MSH4: variants seen among roughly 807,000 people sequenced by gnomAD.
MSH4 encodes the protein mutS protein homolog 4.
A neutral mutation model predicts 113.7 loss-of-function variants in MSH4; 106 were observed. That is an observed-to-expected ratio of 0.93 (90% CI 0.80 to 1.10). MSH4 has a LOEUF of 1.10. Among genes scored for constraint, MSH4 ranks in the 50% least tolerant of loss-of-function variants. The pLI, the probability that MSH4 is intolerant of heterozygous loss-of-function variation, is 0.00. For missense variants in MSH4, 1,061 were observed against 1,093.7 expected (o/e 0.97, Z 0.42); for synonymous variants, 368 against 380.2 (o/e 0.97, Z 0.37).
intron 19 of MSH4, among the ~76,000 whole-genome samples, chr1:75,909,625 T>C (rs1220382547): frequency 6.6e-6 from 1 of 152,054 alleles, no homozygotes; most frequent in African/African-American, 2.4e-5. Context: ...TTTGTCCTAA[T>C]GCTATCCCTC....
At position 75,840,217 on chromosome 1, in the gene MSH4, C is replaced by T. The variant is rs1465821347; in HGVS notation, c.1163-7992C>T. On this transcript the variant is annotated intron_variant, in intron 7 of 19. Coordinates refer to ENST00000263187, the MANE Select transcript of MSH4 (RefSeq NM_002440.4). ...TCATGCTGCTATAAAGACACATGCA[C>T]ACGTATGTTTATTGCGGCACTATTC... is the stretch of plus-strand genomic sequence containing the variant. Among the ~76,000 whole-genome samples the T allele has an allele frequency of 1.9e-4, 28 of 145,064 alleles. 1 individual carries two copies. The highest frequency in any genetic ancestry group is 2.9e-4 in the Non-Finnish European group (19 of 65,770).
At chr1:75,805,199 T>C (rs1650033010) in intron 2 of MSH4, among the ~76,000 whole-genome samples, 1 of 151,374 alleles carries the variant, frequency 6.6e-6, no homozygotes, top group Middle Eastern at 3.4e-3. Context: ...AAAAGACATC[T>C]CTAAGGTTCT....
chr1:75,897,865 AT>A (rs1652418022), intron 17 of MSH4, 41 bp from the exon 18 acceptor site: 1 of 1,242,698 alleles, frequency 8.0e-7, no homozygotes. Flanking sequence ...TTTCTAGTTA[AT>A]TTTTAAAGTA....
chr1:75,897,394 A>G (rs1652408888), intron 17 of MSH4, among the ~76,000 whole-genome samples: 1 of 152,162 alleles, frequency 6.6e-6, no homozygotes. Context: ...CCTAACCCAA[A>G]CACAATGAAG....
At chr1:75,829,019 G>A (rs978984673) in intron 7 of MSH4, among the ~76,000 whole-genome samples, 1 of 152,176 alleles carries the variant, frequency 6.6e-6, no homozygotes, top group Non-Finnish European at 1.5e-5. Context: ...AGGGTTCAGA[G>A]AATTCCCTTT....
chr1:75,895,127 G>T (rs1652342707), intron 17 of MSH4, among the ~76,000 whole-genome samples: 1 of 151,948 alleles, frequency 6.6e-6, no homozygotes, highest in African/African-American at 2.4e-5. Context: ...TGACCTGGAA[G>T]TTGAGACTCC....
chr1:75,905,004 T>C (rs1450331825), intron 19 of MSH4, among the ~76,000 whole-genome samples: 3 of 152,030 alleles, frequency 2.0e-5, no homozygotes, highest in African/African-American at 7.2e-5. Flanking sequence ...TAGTAAAGAT[T>C]TGTTTGTCTT....
chr1:75,843,829 G>A (rs1346808740), intron 7 of MSH4, among the ~76,000 whole-genome samples: 5 of 148,488 alleles, frequency 3.4e-5, no homozygotes, highest in Non-Finnish European at 6.0e-5. Context: ...TTTTTTTTTT[G>A]AGATGGAGTT....
chr1:75,832,008 G>T (rs1034402408), intron 7 of MSH4, among the ~76,000 whole-genome samples: 1 of 152,056 alleles, frequency 6.6e-6, no homozygotes, highest in African/African-American at 2.4e-5. Context: ...CTGGTTTTTT[G>T]AAAAGATCAA....
rs1649831206 is a variant in MSH4, at chr1:75,797,097, ACT to A, written c.114_115del (p.Pro39ThrfsTer74). On this transcript the variant is annotated frameshift_variant, in exon 1 of 20. Coordinates refer to ENST00000263187, the MANE Select transcript of MSH4 (RefSeq NM_002440.4). LOFTEE classifies it high-confidence loss of function. ...GPRYNFGLQE[T>X]PQSRPSVQVV... ...CCGCTACAATTTCGGACTCCAGGAGACTCCACAGAGCCGCCCTTCGGTCCAGG... is the reference window on the plus strand; with the variant it reads ...CCGCTACAATTTCGGACTCCAGGAGACCACAGAGCCGCCCTTCGGTCCAGG... 6.2e-7 allele frequency: 1 copy of A among 1,613,300 alleles called. No individual in the cohort carries two copies. Among genetic ancestry groups the A allele is most frequent in the Admixed American group, 1.7e-5 (1 of 59,952 alleles).
intron 3 of MSH4, among the ~76,000 whole-genome samples, chr1:75,807,988 G>A (rs1035331275): frequency 1.3e-5 from 2 of 152,140 alleles, no homozygotes; most frequent in African/African-American, 4.8e-5. Context: ...ACAGAAGTTC[G>A]TTATCACAAC....
intron 7 of MSH4, among the ~76,000 whole-genome samples, chr1:75,828,050 G>GAA (rs1479707105): frequency 6.6e-6 from 1 of 152,092 alleles, no homozygotes; most frequent in African/African-American, 2.4e-5. Flanking sequence ...ATAAACATAT[G>GAA]AAAAAATGCT....
rs573870824 is a variant in MSH4 at position 75,870,099 on chromosome 1, A to G, written c.1305+2511A>G. ...CATCAGTGTGACCTGTATGTGAGAC[A>G]TGGAGTCGAAGGAGATCATTTTGGA... On this transcript the variant is annotated intron_variant, in intron 9 of 19. Coordinates refer to ENST00000263187, the MANE Select transcript of MSH4 (RefSeq NM_002440.4). 2.0e-5 allele frequency among the ~76,000 whole-genome samples: 3 copies of G among 152,342 alleles called. No homozygotes were observed. In the South Asian group the frequency reaches 6.2e-4, roughly 32 times the overall value.
chr1:75,886,334 G>T, intron 15 of MSH4, among the ~76,000 whole-genome samples: 2 of 24,854 alleles, frequency 8.0e-5, no homozygotes, highest in Non-Finnish European at 7.9e-5. Flanking sequence ...TAGTATATAT[G>T]ATGTATTATA....
rs1650449211 is a variant in MSH4 at position 75,822,700 on chromosome 1, T to C, written c.1162+119T>C. 3 of 508,746 alleles carry C rather than the reference T, an allele frequency of 5.9e-6. No homozygotes were observed. The East Asian group carries it at 1.1e-4, about 19-fold the overall frequency. 31.5% of individuals were successfully genotyped at this position (508,746 alleles called of 1,614,324 possible). On this transcript the variant is annotated intron_variant, in intron 7 of 19. Transcript: ENST00000263187. ...AGGTGTTAATTCTTGTATTCTTTTA[T>C]GGAAAATATTTTCCTGAAATTTTCT...
At chr1:75,885,412 C>A (rs1262833978) in intron 15 of MSH4, among the ~76,000 whole-genome samples, 3 of 122,180 alleles carry the variant, frequency 2.5e-5, no homozygotes, top group Non-Finnish European at 5.0e-5. Context: ...CCTCCACCTC[C>A]CACCTCAGTT....
chr1:75,883,658 G>C lies in MSH4; in HGVS notation c.1944G>C (p.Gln648His). ...PEFTDTLAIK[Q>H]GWHPILEKIS... ...TTACTGATACTTTAGCAATCAAACA[G>C]GGATGGCATCCTATTCTTGAAAAAA... Residue 648 changes from glutamine to histidine, a missense_variant, in exon 15 of 20, where the codon CAG becomes CAC. Gln to His is a conservative substitution (Grantham distance 24). Coordinates refer to ENST00000263187, the MANE Select transcript of MSH4 (RefSeq NM_002440.4). 1 of 1,612,996 alleles carries C rather than the reference G, an allele frequency of 6.2e-7. No homozygotes were observed. Among genetic ancestry groups the C allele is most frequent in the Non-Finnish European group, 8.5e-7 (1 of 1,179,582 alleles).
At chr1:75,903,319 T>C (rs975771703) in intron 19 of MSH4, among the ~76,000 whole-genome samples, 1 of 152,042 alleles carries the variant, frequency 6.6e-6, no homozygotes, top group African/African-American at 2.4e-5. Context: ...TGGTATCTTG[T>C]TGAAAATGAG....
intron 19 of MSH4, among the ~76,000 whole-genome samples, chr1:75,900,053 T>C (rs1466933703): frequency 1.3e-5 from 2 of 151,980 alleles, no homozygotes; most frequent in Non-Finnish European, 2.9e-5. Context: ...TGTATAATTA[T>C]ATATTTTTTA....
Sources: allele counts gnomAD v4.1 joint callset (sites outside exome capture counted in the v4.1 genomes callset), GRCh38; gene constraint gnomAD v4.1.1; transcripts MANE v1.5; gene names NCBI Gene and HGNC (gene_info 2026-07-23, HGNC 2026-07-21).